Variants in PPARD observed in about 807,000 individuals in gnomAD.
PPARD encodes peroxisome proliferator activated receptor delta.
In PPARD, 6 loss-of-function variants were observed where a neutral mutation model predicts 39.5. The ratio of observed to expected loss-of-function variants is 0.15; its 90% CI spans 0.08 to 0.30. The LOEUF is 0.30. Ranked by LOEUF, PPARD falls within the 10% of genes least tolerant of loss-of-function variation. The pLI is 1.00. For synonymous variants in PPARD, 210 were observed against 231.3 expected, an observed-to-expected ratio of 0.91 and a Z score of 0.83; for missense variants, 397 against 596.8, an observed-to-expected ratio of 0.67 and a Z score of 3.49.
At chr6:35,414,697 C>A (rs542000313) in intron 3 of PPARD, among the ~76,000 whole-genome samples, 15 of 152,310 alleles carry the variant, frequency 9.8e-5, no homozygotes, top group African/African-American at 3.6e-4. Flanking sequence ...CATCGCAGGT[C>A]TCAGCACCTG....
intron 2 of PPARD, among the ~76,000 whole-genome samples, chr6:35,384,439 G>T: frequency 9.2e-6 from 1 of 108,660 alleles, no homozygotes. Context: ...GGGAGGTGGC[G>T]GGGTCAGCCC....
At chr6:35,405,448 G>A (rs1352277907) in intron 2 of PPARD, among the ~76,000 whole-genome samples, 1 of 152,042 alleles carries the variant, frequency 6.6e-6, no homozygotes, top group Non-Finnish European at 1.5e-5. Flanking sequence ...TGTTGTCTGG[G>A]GGTCTGAAGC....
intron 2 of PPARD, among the ~76,000 whole-genome samples, chr6:35,389,791 G>A (rs1170222405): frequency 6.6e-6 from 1 of 152,174 alleles, no homozygotes; most frequent in Non-Finnish European, 1.5e-5. Context: ...GCAAGAAAGT[G>A]TGCAAAGAGC....
At chr6:35,423,223 T>G (rs1292557672) in intron 5 of PPARD, among the ~76,000 whole-genome samples, 1 of 151,734 alleles carries the variant, frequency 6.6e-6, no homozygotes, top group East Asian at 1.9e-4. Context: ...AGTGAGACCC[T>G]GTCTCAAAAC....
Position 35,425,941 on chromosome 6 carries a change from C to T in PPARD, c.1188C>T (p.Phe396=), listed in dbSNP as rs1440499110. ...QANHPDAQYL[F]PKLLQKMADL... Reference sequence around the variant, plus strand: ...ACCACCCTGATGCCCAGTACCTCTTCCCCAAGCTGCTGCAGAAGATGGCTG... The same window carrying T: ...ACCACCCTGATGCCCAGTACCTCTTTCCCAAGCTGCTGCAGAAGATGGCTG... Residue 396 remains phenylalanine (F), a synonymous_variant, in exon 8 of 8, where the codon TTC becomes TTT. Transcript: ENST00000360694. The surrounding 1 kb of genome is among the most constrained non-coding windows in gnomAD (Gnocchi z 4.5). The T allele has an allele frequency of 6.2e-7, 1 of 1,614,188 alleles. No individual in the cohort carries two copies. Among genetic ancestry groups the T allele is most frequent in the African/African-American group, 1.3e-5 (1 of 75,056 alleles).
intron 2 of PPARD, among the ~76,000 whole-genome samples, chr6:35,390,161 C>T (rs889613248): frequency 6.6e-6 from 1 of 152,180 alleles, no homozygotes; most frequent in African/African-American, 2.4e-5. Context: ...GTTTTCTGGC[C>T]CAGCTAGAAG....
intron 2 of PPARD, chr6:35,397,487 C>T: frequency 2.1e-6 from 2 of 972,096 alleles, no homozygotes; most frequent in Non-Finnish European, 2.4e-6. Flanking sequence ...TGATAAGCTC[C>T]TCCTTTGAAG....
intron 2 of PPARD, among the ~76,000 whole-genome samples, chr6:35,368,715 G>A (rs183582568): frequency 6.6e-6 from 1 of 152,340 alleles, no homozygotes; most frequent in Admixed American, 6.5e-5. Context: ...TCACAACCAG[G>A]AAGTGACTCC....
intron 2 of PPARD, among the ~76,000 whole-genome samples, chr6:35,349,886 C>T (rs553420365): frequency 1.4e-4 from 21 of 151,992 alleles, no homozygotes; most frequent in East Asian, 5.8e-4. Context: ...AGATTACAGG[C>T]GCCCGCCACC....
At chr6:35,400,822 G>A (rs1043081655) in intron 2 of PPARD, among the ~76,000 whole-genome samples, 1 of 151,882 alleles carries the variant, frequency 6.6e-6, no homozygotes, top group Non-Finnish European at 1.5e-5. Flanking sequence ...AAAAGAAAAA[G>A]GTATAAGTGG....
intron 2 of PPARD, among the ~76,000 whole-genome samples, chr6:35,384,399 C>T (rs1475336251): frequency 1.6e-5 from 2 of 128,474 alleles, no homozygotes; most frequent in Non-Finnish European, 3.3e-5. Flanking sequence ...GTGAGGAGCC[C>T]CTCTGCCAGG....
At chr6:35,380,464 TTTTTTTTGTTTG>T in intron 2 of PPARD, among the ~76,000 whole-genome samples, 7 of 115,356 alleles carry the variant, frequency 6.1e-5, no homozygotes, top group African/African-American at 4.0e-4. Context: ...CTCGTGTTTT[TTTTTTTTGTTTG>T]TTTTTTTTTT....
At position 35,346,232 on chromosome 6, in the gene PPARD, C is replaced by T. The variant is rs543508116; in HGVS notation, c.-185-835C>T. On this transcript the variant is annotated intron_variant, in intron 1 of 7. Coordinates refer to ENST00000360694, the MANE Select transcript of PPARD (RefSeq NM_006238.5). ...TATATCCTGTCCCTGAGGCCCACCT[C>T]CCTGAGTGCTCTCTGCAGGCTGGGA... Among the ~76,000 whole-genome samples the T allele has an allele frequency of 1.6e-4, 24 of 152,286 alleles. No individual in the cohort carries two copies. The South Asian group carries it at 3.1e-3, about 20-fold the overall frequency.
intron 2 of PPARD, among the ~76,000 whole-genome samples, chr6:35,372,747 AT>A (rs1762572853): frequency 6.6e-6 from 1 of 152,216 alleles, no homozygotes. Context: ...GGGTAAGAGC[AT>A]GTGCTCTGGA....
chr6:35,378,927 A>G (rs1333562106), intron 2 of PPARD, among the ~76,000 whole-genome samples: 2 of 152,146 alleles, frequency 1.3e-5, no homozygotes, highest in Non-Finnish European at 2.9e-5. Flanking sequence ...TCAGAAGAGA[A>G]GGCAATCGAA....
chr6:35,391,174 A>G (rs560802080), intron 2 of PPARD, among the ~76,000 whole-genome samples: 1 of 152,392 alleles, frequency 6.6e-6, no homozygotes, highest in South Asian at 2.1e-4. Context: ...AATGCGGAAG[A>G]GAGCATTAAC....
intron 2 of PPARD, among the ~76,000 whole-genome samples, chr6:35,360,350 G>C (rs1458110527): frequency 6.6e-6 from 1 of 152,176 alleles, no homozygotes; most frequent in African/African-American, 2.4e-5. Flanking sequence ...GAGAAATAAG[G>C]GAGGGAAATT....
Position 35,426,009 on chromosome 6 carries a change from G to A in PPARD, c.1256G>A (p.Arg419Gln), listed in dbSNP as rs200904269. 3.3e-5 allele frequency: 53 copies of A among 1,613,920 alleles called. No individual in the cohort carries two copies. In the African/African-American group the frequency reaches 3.3e-4, roughly 10 times the overall value. Residue 419 changes from arginine to glutamine, a missense_variant, in exon 8 of 8, where the codon CGG becomes CAG. By Grantham distance (43) the Arg-to-Gln change is conservative. Coordinates refer to ENST00000360694, the MANE Select transcript of PPARD (RefSeq NM_006238.5). ...LVTEHAQMMQ[R>Q]IKKTETETSL... ...ACCGAGCACGCCCAGATGATGCAGC[G>A]GATCAAGAAGACCGAAACCGAGACC...
chr6:35,345,289 CCTT>C (rs1792103331), intron 1 of PPARD, among the ~76,000 whole-genome samples: 1 of 152,082 alleles, frequency 6.6e-6, no homozygotes, highest in African/African-American at 2.4e-5. Context: ...GATTTTCTTT[CCTT>C]CTTTCTTTTC....
Sources: allele counts gnomAD v4.1 joint callset (sites outside exome capture counted in the v4.1 genomes callset), GRCh38; gene constraint gnomAD v4.1.1; non-coding constraint Gnocchi (gnomAD v3.1); transcripts MANE v1.5; gene names NCBI Gene and HGNC (gene_info 2026-07-23, HGNC 2026-07-21).